The following SMAD3 variants were observed in gnomAD, a reference collection of about 807,000 sequenced individuals.
SMAD3 encodes the protein SMAD family member 3.
In SMAD3, 12 loss-of-function variants were observed where a neutral mutation model predicts 51.8. That is an observed-to-expected ratio of 0.23 (90% CI 0.15 to 0.38). The LOEUF is 0.38. Ranked by LOEUF, SMAD3 falls within the 10% of genes least tolerant of loss-of-function variation. The probability of loss-of-function intolerance (pLI) is 1.00; values close to 1 mark genes in which losing one functional copy is unlikely to be tolerated. For synonymous variants in SMAD3, 238 were observed against 227.7 expected (o/e 1.05, Z -0.41); for missense variants, 294 against 565.6 (o/e 0.52, Z 4.87).
At chr15:67,180,568 T>G (rs1963024486) in intron 5 of SMAD3, among the ~76,000 whole-genome samples, 1 of 149,764 alleles carries the variant, frequency 6.7e-6, no homozygotes, top group African/African-American at 2.5e-5. Context: ...GAAAATAGTT[T>G]CTGTGATAGG....
At chr15:67,166,165 C>T in intron 3 of SMAD3, 1 of 1,013,886 alleles carries the variant, frequency 9.9e-7, no homozygotes, top group African/African-American at 1.7e-5. Flanking sequence ...CTTCTCAGAT[C>T]CTTTGCGGGT....
At chr15:67,150,830 C>T (rs1260499932) in intron 1 of SMAD3, among the ~76,000 whole-genome samples, 2 of 47,576 alleles carry the variant, frequency 4.2e-5, no homozygotes, top group Non-Finnish European at 8.7e-5. Context: ...ATTAAGAGAG[C>T]AAAGCTATTT....
chr15:67,187,737 G>C (rs561400148), intron 8 of SMAD3, among the ~76,000 whole-genome samples: 1 of 152,384 alleles, frequency 6.6e-6, no homozygotes, highest in South Asian at 2.1e-4. Context: ...TGTAGGCACT[G>C]TAAACACACG....
intron 7 of SMAD3, among the ~76,000 whole-genome samples, chr15:67,185,665 G>C (rs920218611): frequency 2.6e-5 from 4 of 152,182 alleles, no homozygotes; most frequent in Non-Finnish European, 4.4e-5. Flanking sequence ...GAGGTGTCAG[G>C]CTGCACCCCC....
intron 1 of SMAD3, among the ~76,000 whole-genome samples, chr15:67,110,276 G>A (rs1008492564): frequency 2.0e-5 from 3 of 152,198 alleles, no homozygotes; most frequent in African/African-American, 7.2e-5. Flanking sequence ...GCATATAGAT[G>A]CAGTGACTCT....
Position 67,192,793 on chromosome 15 carries a change from A to G in SMAD3, c.*2257A>G. Reference sequence around the variant, plus strand: ...AAAAAAGCCTATACTTTGGCAGGTTATGAACTTTGAATGTGATGAAATGAC... The same window carrying G: ...AAAAAAGCCTATACTTTGGCAGGTTGTGAACTTTGAATGTGATGAAATGAC... On this transcript the variant is annotated 3_prime_UTR_variant, in exon 9 of 9. Transcript: ENST00000327367. 4.3e-6 allele frequency: 1 copy of G among 233,262 alleles called. No homozygotes were observed. The highest frequency in any genetic ancestry group is 8.5e-6 in the Non-Finnish European group (1 of 117,946). 14.4% of individuals were successfully genotyped at this position (233,262 alleles called of 1,614,324 possible).
chr15:67,183,031 A>ATTTTTTTT (rs57749736), intron 6 of SMAD3, among the ~76,000 whole-genome samples: 1 of 29,698 alleles, frequency 3.4e-5, no homozygotes, highest in African/African-American at 1.7e-4. Context: ...ATATATATAT[A>ATTTTTTTT]TTTTTTTTTT....
intron 1 of SMAD3, among the ~76,000 whole-genome samples, chr15:67,087,726 G>C (rs930875834): frequency 1.1e-4 from 16 of 152,142 alleles, no homozygotes; most frequent in Non-Finnish European, 1.0e-4. Flanking sequence ...AGCAAAGTAT[G>C]CATTTCTTAA....
At chr15:67,067,392 G>A (rs1959950138) in intron 1 of SMAD3, among the ~76,000 whole-genome samples, 1 of 152,204 alleles carries the variant, frequency 6.6e-6, no homozygotes, top group Non-Finnish European at 1.5e-5. Flanking sequence ...CGGGTACCTT[G>A]GCTTCCTGTC....
chr15:67,117,054 AAC>A (rs1399424663), intron 1 of SMAD3, among the ~76,000 whole-genome samples: 3 of 152,120 alleles, frequency 2.0e-5, no homozygotes, highest in African/African-American at 4.8e-5. Flanking sequence ...CCAGCACTGA[AAC>A]ACACACTGAA....
intron 1 of SMAD3, among the ~76,000 whole-genome samples, chr15:67,076,571 ACGT>A (rs1960174789): frequency 6.6e-6 from 1 of 152,180 alleles, no homozygotes; most frequent in Non-Finnish European, 1.5e-5. Context: ...AATGACCCAG[ACGT>A]GGTGGCTATA....
At chr15:67,163,719 C>G (rs1308803639) in intron 1 of SMAD3, among the ~76,000 whole-genome samples, 1 of 152,106 alleles carries the variant, frequency 6.6e-6, no homozygotes, top group Non-Finnish European at 1.5e-5. Flanking sequence ...GGTAAGGGCA[C>G]CGGGTCATAG....
chr15:67,145,574 G>A (rs1225772719), intron 1 of SMAD3, among the ~76,000 whole-genome samples: 1 of 152,162 alleles, frequency 6.6e-6, no homozygotes, highest in African/African-American at 2.4e-5. Flanking sequence ...GTGGATGTTC[G>A]GCAACATCAT....
At chr15:67,095,659 G>A (rs1407193422) in intron 1 of SMAD3, among the ~76,000 whole-genome samples, 1 of 152,048 alleles carries the variant, frequency 6.6e-6, no homozygotes, top group Non-Finnish European at 1.5e-5. Context: ...AGCCTCCCGA[G>A]TAGCTGGGAT....
At chr15:67,175,822 A>G (rs532437029) in intron 5 of SMAD3, among the ~76,000 whole-genome samples, 15 of 152,348 alleles carry the variant, frequency 9.8e-5, no homozygotes, top group South Asian at 4.1e-4. Context: ...CAGAGGCCCA[A>G]CCCAGTTCCA....
chr15:67,135,497 G>A (rs946362865), intron 1 of SMAD3, among the ~76,000 whole-genome samples: 1 of 152,076 alleles, frequency 6.6e-6, no homozygotes, highest in African/African-American at 2.4e-5. Flanking sequence ...GTACCAAGTA[G>A]GCCCTCTCTA....
chr15:67,070,885 G>T (rs1960038151), intron 1 of SMAD3, among the ~76,000 whole-genome samples: 1 of 152,130 alleles, frequency 6.6e-6, no homozygotes, highest in Non-Finnish European at 1.5e-5. Context: ...AAGTCAGGAT[G>T]AGATAAGTTC....
Position 67,187,603 on chromosome 15 carries a change from G to A in SMAD3, c.1154+94G>A, listed in dbSNP as rs1162606901. 2.0e-6 allele frequency: 3 copies of A among 1,495,472 alleles called. No individual in the cohort carries two copies. The East Asian group carries it at 6.8e-5, about 34-fold the overall frequency. 92.6% of individuals were successfully genotyped at this position (1,495,472 alleles called of 1,614,324 possible). A position where few individuals can be genotyped will look rare whatever the true frequency, so the allele number is the denominator to read the frequency against. On this transcript the variant is annotated intron_variant, in intron 8 of 8. Coordinates refer to ENST00000327367, the MANE Select transcript of SMAD3 (RefSeq NM_005902.4). ...GGCTCCTCAGAGATGAGCTAGGCCA[G>A]CCCTAGCGTCAAGAGCAGAAAGACC... is the stretch of plus-strand genomic sequence containing the variant.
Position 67,079,583 on chromosome 15 carries a change from C to T in SMAD3, c.206+13223C>T, listed in dbSNP as rs535570364. Reference sequence around the variant, plus strand: ...CCTAAGCCCACTCACATGGGGTGATCCTGGTACGTGTTGCATGGACTGAGT... The same window carrying T: ...CCTAAGCCCACTCACATGGGGTGATTCTGGTACGTGTTGCATGGACTGAGT... On this transcript the variant is annotated intron_variant, in intron 1 of 8. Transcript: ENST00000327367. Among the ~76,000 whole-genome samples, 7 of 152,246 alleles carry T rather than the reference C, an allele frequency of 4.6e-5. No individual in the cohort carries two copies. In the South Asian group the frequency reaches 1.5e-3, roughly 32 times the overall value.
Sources: allele counts gnomAD v4.1 joint callset (sites outside exome capture counted in the v4.1 genomes callset), GRCh38; gene constraint gnomAD v4.1.1; transcripts MANE v1.5; gene names NCBI Gene and HGNC (gene_info 2026-07-23, HGNC 2026-07-21).